The following UNC5D variants were observed in gnomAD, a reference collection of about 807,000 sequenced individuals.
UNC5D encodes netrin receptor UNC5D.
A neutral mutation model predicts 105.4 loss-of-function variants in UNC5D; 39 were observed. That is an observed-to-expected ratio of 0.37 (90% CI 0.29 to 0.48). The LOEUF is 0.48. Among genes scored for constraint, UNC5D ranks in the 20% least tolerant of loss-of-function variants. The probability of loss-of-function intolerance (pLI) is 0.98; values close to 1 mark genes in which losing one functional copy is unlikely to be tolerated. For synonymous variants in UNC5D, 452 were observed against 450.4 expected (o/e 1.00, Z -0.04); for missense variants, 991 against 1,202.4 (o/e 0.82, Z 2.60).
At chr8:35,343,869 G>A (rs1811625749) in intron 1 of UNC5D, among the ~76,000 whole-genome samples, 1 of 152,048 alleles carries the variant, frequency 6.6e-6, no homozygotes, top group African/African-American at 2.4e-5. Flanking sequence ...TCTATTTAAG[G>A]ACTGCTTTTA....
chr8:35,349,493 A>G (rs1812053733), intron 1 of UNC5D, among the ~76,000 whole-genome samples: 1 of 152,036 alleles, frequency 6.6e-6, no homozygotes, highest in Non-Finnish European at 1.5e-5. Flanking sequence ...TATAAAGTTC[A>G]GAGTAGCAGT....
chr8:35,639,874 C>T (rs1452393613), intron 4 of UNC5D, among the ~76,000 whole-genome samples: 4 of 151,836 alleles, frequency 2.6e-5, no homozygotes, highest in African/African-American at 9.7e-5. Flanking sequence ...GGCATGCACC[C>T]CCATGCCTGG....
At chr8:35,736,805 C>A (rs981028474) in intron 11 of UNC5D, among the ~76,000 whole-genome samples, 1 of 152,096 alleles carries the variant, frequency 6.6e-6, no homozygotes, top group Middle Eastern at 3.4e-3. Context: ...CAAAGCAGAG[C>A]GAAATATGAA....
At chr8:35,325,948 G>A (rs1222165526) in intron 1 of UNC5D, among the ~76,000 whole-genome samples, 5 of 152,106 alleles carry the variant, frequency 3.3e-5, no homozygotes, top group Admixed American at 1.3e-4. Context: ...AAATACCAAG[G>A]TGTTACCATC....
Position 35,512,475 on chromosome 8 carries a change from T to A in UNC5D, c.104-36817T>A, listed in dbSNP as rs2589753. Among the ~76,000 whole-genome samples, 534 of 100,198 alleles carry A rather than the reference T, an allele frequency of 5.3e-3. 8 individuals carry two copies. Among genetic ancestry groups the A allele is most frequent in the Non-Finnish European group, 8.9e-3 (459 of 51,672 alleles). The allele number at this position is 100,198 out of a possible 152,430, so 65.7% of individuals were successfully genotyped here. ...AGGCTAATAGTGAGCCATATATATA[T>A]ATATATATATATATATATATATATA... On this transcript the variant is annotated intron_variant, in intron 1 of 16. Coordinates refer to ENST00000404895, the MANE Select transcript of UNC5D (RefSeq NM_080872.4).
intron 1 of UNC5D, among the ~76,000 whole-genome samples, chr8:35,507,222 A>AT (rs564420857): frequency 0.022 from 3,259 of 150,840 alleles, 132 homozygotes; most frequent in African/African-American, 0.076. Context: ...CGCCCGGCTA[A>AT]ATTTTTGTAT....
chr8:35,703,409 G>A (rs1563685398), intron 7 of UNC5D, among the ~76,000 whole-genome samples: 1 of 152,126 alleles, frequency 6.6e-6, no homozygotes, highest in Non-Finnish European at 1.5e-5. Flanking sequence ...GACAACTGAA[G>A]GTTTAAATCC....
At chr8:35,517,739 G>T (rs763678859) in intron 1 of UNC5D, among the ~76,000 whole-genome samples, 9 of 152,180 alleles carry the variant, frequency 5.9e-5, no homozygotes, top group Non-Finnish European at 8.8e-5. Flanking sequence ...TTTGTTCAGT[G>T]CTGCCATAAC....
At chr8:35,706,315 T>C (rs976985320) in intron 8 of UNC5D, among the ~76,000 whole-genome samples, 8 of 152,202 alleles carry the variant, frequency 5.3e-5, no homozygotes, top group Non-Finnish European at 7.3e-5. Context: ...GGCAAAAGCC[T>C]GACTACAAGT....
At chr8:35,727,842 A>G (rs530701314) in intron 10 of UNC5D, 1 of 152,202 alleles carries the variant, frequency 6.6e-6, no homozygotes, top group African/African-American at 2.4e-5. Flanking sequence ...AGACATATTT[A>G]CCAATTAACT....
At chr8:35,477,969 A>G (rs1810232684) in intron 1 of UNC5D, among the ~76,000 whole-genome samples, 1 of 152,180 alleles carries the variant, frequency 6.6e-6, no homozygotes, top group Non-Finnish European at 1.5e-5. Context: ...TTTGAATCCC[A>G]TGCTAGGGAG....
At chr8:35,301,055 A>G (rs1467328840) in intron 1 of UNC5D, among the ~76,000 whole-genome samples, 2 of 152,216 alleles carry the variant, frequency 1.3e-5, no homozygotes, top group African/African-American at 2.4e-5. Context: ...AGCAACAAGC[A>G]CACCTTGCTC....
At chr8:35,557,916 G>C (rs1485834950) in intron 2 of UNC5D, among the ~76,000 whole-genome samples, 1 of 152,082 alleles carries the variant, frequency 6.6e-6, no homozygotes, top group East Asian at 1.9e-4. Flanking sequence ...TGGATCACCT[G>C]AGATCAGAAG....
intron 4 of UNC5D, among the ~76,000 whole-genome samples, chr8:35,603,681 T>G (rs1820055976): frequency 6.6e-6 from 1 of 152,190 alleles, no homozygotes; most frequent in Non-Finnish European, 1.5e-5. Context: ...GGAGTCTAAG[T>G]CTGTTTCTAG....
At chr8:35,389,782 G>A (rs914253313) in intron 1 of UNC5D, among the ~76,000 whole-genome samples, 1 of 147,822 alleles carries the variant, frequency 6.8e-6, no homozygotes, top group African/African-American at 2.5e-5. Flanking sequence ...ATATGTACAA[G>A]CAATGGGAAG....
intron 4 of UNC5D, among the ~76,000 whole-genome samples, chr8:35,661,232 G>T (rs1824085226): frequency 6.6e-6 from 1 of 152,158 alleles, no homozygotes; most frequent in South Asian, 2.1e-4. Flanking sequence ...TGATGCAGAT[G>T]TAGAGAGGCA....
chr8:35,273,775 G>T (rs1333389144), intron 1 of UNC5D, among the ~76,000 whole-genome samples: 1 of 152,150 alleles, frequency 6.6e-6, no homozygotes, highest in Non-Finnish European at 1.5e-5. Context: ...CATAAAATCG[G>T]TTGCTTTTCC....
At chr8:35,747,171 A>G (rs1830052666) in intron 11 of UNC5D, among the ~76,000 whole-genome samples, 1 of 152,222 alleles carries the variant, frequency 6.6e-6, no homozygotes, top group African/African-American at 2.4e-5. Flanking sequence ...AGACAACATG[A>G]TAATGTTACA....
chr8:35,784,819 C>T (rs1802670353), intron 16 of UNC5D, among the ~76,000 whole-genome samples: 2 of 151,044 alleles, frequency 1.3e-5, no homozygotes, highest in African/African-American at 4.9e-5. Context: ...ATCTTAATGA[C>T]ACTGCAAAAA....
Sources: allele counts gnomAD v4.1 joint callset (sites outside exome capture counted in the v4.1 genomes callset), GRCh38; gene constraint gnomAD v4.1.1; transcripts MANE v1.5; gene names NCBI Gene and HGNC (gene_info 2026-07-23, HGNC 2026-07-21).